The following DST variants were observed in gnomAD, a reference collection of about 807,000 sequenced individuals.
DST encodes the protein bullous pemphigoid antigen.
In DST, 253 loss-of-function variants were observed where a neutral mutation model predicts 875.2. That is an observed-to-expected ratio of 0.29 (90% confidence interval 0.26 to 0.32). The LOEUF is 0.32. Ranked by LOEUF, DST falls within the 10% of genes least tolerant of loss-of-function variation. The pLI is 1.00. For missense variants in DST, 8,287 were observed against 9,111.6 expected (o/e 0.91, Z 3.68); for synonymous variants, 3,124 against 3,197.1 (o/e 0.98, Z 0.77).
At chr6:56,580,579 TAAAA>T (rs200558536) in intron 49 of DST, among the ~76,000 whole-genome samples, 1 of 149,462 alleles carries the variant, frequency 6.7e-6, no homozygotes, top group East Asian at 1.9e-4. Flanking sequence ...AATAAATAAA[TAAAA>T]ATTTAAAAAA....
intron 71 of DST, among the ~76,000 whole-genome samples, chr6:56,516,406 T>G (rs2096596089): frequency 6.6e-6 from 1 of 152,182 alleles, no homozygotes; most frequent in South Asian, 2.1e-4. Context: ...TCAGAGTCTT[T>G]ATAAAAATAA....
chr6:56,647,728 C>A (rs2098951960), intron 13 of DST, among the ~76,000 whole-genome samples: 1 of 150,784 alleles, frequency 6.6e-6, no homozygotes. Flanking sequence ...CTCTCTCGCC[C>A]AGGATGGAGT....
chr6:56,507,581 G>A (rs1014352996), intron 75 of DST, among the ~76,000 whole-genome samples: 1 of 152,196 alleles, frequency 6.6e-6, no homozygotes, highest in African/African-American at 2.4e-5. Context: ...AACCCTGAGT[G>A]GACTTTGCCA....
rs1349827592 is a variant in DST, at chr6:56,477,434, T to C, written c.21586A>G (p.Met7196Val). The change falls in exon 91 of 104, where the codon ATG (methionine) becomes GTG (valine). Residue 7196 changes from methionine to valine, a missense_variant. Physicochemically the swap from Met to Val is conservative, Grantham distance 21. Transcript: ENST00000680361. The stretch of plus-strand genomic sequence containing the variant: ...CAGATAGCCAAAACGGTGTCGCCCA[T>C]AGTGGTGGCTTTATTTAGTTCAGCT... The part of the protein sequence containing the change: ...KRAELNKATT[M>V]GDTVLAICHP... 7 of 1,613,902 alleles carry C rather than the reference T, an allele frequency of 4.3e-6. No individual in the cohort carries two copies. In the Admixed American group the frequency reaches 6.7e-5, roughly 15 times the overall value.
intron 2 of DST, among the ~76,000 whole-genome samples, chr6:56,938,708 G>C (rs1297992595): frequency 6.6e-6 from 1 of 152,336 alleles, no homozygotes; most frequent in African/African-American, 2.4e-5. Context: ...CAGAGGCACT[G>C]TACAAGCCCA....
chr6:56,564,717 A>T (rs2097622812), intron 55 of DST, among the ~76,000 whole-genome samples: 1 of 152,182 alleles, frequency 6.6e-6, no homozygotes, highest in Non-Finnish European at 1.5e-5. Context: ...TTTGTCACAA[A>T]TAACTCTTAT....
At chr6:56,702,072 G>T in intron 7 of DST, 107 bp from the exon 8 acceptor site, 2 of 629,960 alleles carry the variant, frequency 3.2e-6, no homozygotes, top group Non-Finnish European at 5.5e-6. Context: ...AGTATTTACC[G>T]TTTAGGTAAG....
chr6:56,742,254 T>C, intron 4 of DST: 1 of 1,266,236 alleles, frequency 7.9e-7, no homozygotes, highest in Non-Finnish European at 1.0e-6. Context: ...AGTGATAGTA[T>C]ATGTGATACT....
In DST at chr6:56,607,474, C is replaced by T; in HGVS notation, c.7154G>A (p.Ser2385Asn). 1 of 1,599,244 alleles carries T rather than the reference C, an allele frequency of 6.3e-7. No homozygotes were observed. Among genetic ancestry groups the T allele is most frequent in the Non-Finnish European group, 8.5e-7 (1 of 1,171,624 alleles). Residue 2385 changes from serine to asparagine, a missense_variant, in exon 40 of 104, where the codon AGT becomes AAT. Ser to Asn is a conservative substitution (Grantham distance 46). This residue lies in a region of DST where 3,138 missense variants were observed against 3,116.6 expected (regional missense o/e 1.01). Coordinates refer to ENST00000680361, the MANE Select transcript of DST (RefSeq NM_001374736.1). The stretch of plus-strand genomic sequence containing the variant: ...AAAGTTTTGAATGTTTTTAGAATGA[C>T]TACATTCATTTGCACGTTCATTTGT... Reference protein sequence around the residue: ...VETNERANECSHSKNIQNFPS... With the variant: ...VETNERANECNHSKNIQNFPS...
At chr6:56,873,580 G>C (rs60563401) in intron 3 of DST, among the ~76,000 whole-genome samples, 32,434 of 152,118 alleles carry the variant, frequency 0.21, 4,068 homozygotes, top group African/African-American at 0.35. Flanking sequence ...AGACGGAACT[G>C]GAAGGCATTA....
rs867881427 is a variant in DST, at chr6:56,835,652, G to A, written c.625+15745C>T. On this transcript the variant is annotated intron_variant, in intron 4 of 103. Coordinates refer to ENST00000680361, the MANE Select transcript of DST (RefSeq NM_001374736.1). ...TATTCCATATGCCCTATTTTATCCC[G>A]CCTTTATTAACCCAGTGTCTATCTA... Among the ~76,000 whole-genome samples the A allele has an allele frequency of 5.9e-5, 9 of 152,086 alleles. No homozygotes were observed. The South Asian group carries it at 8.3e-4, about 14-fold the overall frequency.
chr6:56,687,938 T>C (rs1307344924), intron 9 of DST, among the ~76,000 whole-genome samples: 2 of 152,198 alleles, frequency 1.3e-5, no homozygotes, highest in Admixed American at 6.5e-5. Flanking sequence ...AAAGTCCAAG[T>C]GCTAATGCTC....
At chr6:56,730,534 T>C (rs537643767) in intron 5 of DST, among the ~76,000 whole-genome samples, 60 of 152,260 alleles carry the variant, frequency 3.9e-4, no homozygotes, top group Non-Finnish European at 6.6e-4. Context: ...CCTAGTGTCA[T>C]AGGTAGAAGA....
chr6:56,597,635 C>T lies in DST; in HGVS notation c.12195+105G>A, dbSNP rs2098404124. ...TGACATGATGAACACAGAAAAAAAC[C>T]TCTTTTGTCAGTAAGGTTTGAAAAG... On this transcript the variant is annotated intron_variant, in intron 47 of 103. Transcript: ENST00000680361. 3.6e-5 allele frequency: 43 copies of T among 1,208,062 alleles called. No homozygotes were observed. In the South Asian group the frequency reaches 8.0e-4, roughly 23 times the overall value. 74.8% of individuals were successfully genotyped at this position (1,208,062 alleles called of 1,614,324 possible).
At chr6:56,467,411 G>A (rs1170285340) in intron 98 of DST, 1 of 152,150 alleles carries the variant, frequency 6.6e-6, no homozygotes, top group Non-Finnish European at 1.5e-5. Context: ...AGGAACTCAT[G>A]TGTTTTTCCA....
chr6:56,657,489 T>C (rs1379447188), intron 10 of DST, among the ~76,000 whole-genome samples: 1 of 151,986 alleles, frequency 6.6e-6, no homozygotes, highest in Non-Finnish European at 1.5e-5. Flanking sequence ...ATCTGATCAC[T>C]TGAAAAAACA....
At position 56,618,982 on chromosome 6, in the gene DST, C is replaced by T. The variant is rs757615570; in HGVS notation, c.4930-4498G>A. 1.2e-5 allele frequency: 19 copies of T among 1,614,002 alleles called. No individual in the cohort carries two copies. In the African/African-American group the frequency reaches 2.3e-4, roughly 19 times the overall value. ...CTTTGGAAGCATTCAGTTCCGCATT[C>T]AGATTTCTAACTTCTTTCTTGGTAT... On this transcript the variant is annotated intron_variant, in intron 36 of 103. Transcript: ENST00000680361.
rs1306627437 is a variant in DST, at chr6:56,608,640, C to G, written c.5988G>C (p.Leu1996=). Residue 1996 remains leucine (L), a synonymous_variant, in exon 40 of 104, where the codon CTG becomes CTC. Transcript: ENST00000680361. Reference sequence around the variant, plus strand: ...TTCTTTGGCCAGAGTTGGAATTGATCAGACCTCCAGAAAGAAGCTGTGCAC... The same window carrying G: ...TTCTTTGGCCAGAGTTGGAATTGATGAGACCTCCAGAAAGAAGCTGTGCAC... ...LLSAQLLSGG[L]INSNSGQRMT... 4 of 1,612,934 alleles carry G rather than the reference C, an allele frequency of 2.5e-6. No homozygotes were observed. Among genetic ancestry groups the G allele is most frequent in the Non-Finnish European group, 2.5e-6 (3 of 1,179,514 alleles).
Position 56,489,552 on chromosome 6 carries a change from C to A in DST, c.20815G>T (p.Asp6939Tyr). ...TCATTTGCGATTTCCAGTTCAGAAT[C>A]CAAAGACTTTTCTGACTCTTCTAGC... is the stretch of plus-strand genomic sequence containing the variant. ...EWLEESEKSL[D>Y]SELEIANDPD... The change falls in exon 86 of 104, where the codon GAT becomes TAT. Residue 6939 changes from aspartate to tyrosine, a missense_variant. Asp to Tyr is a radical substitution (Grantham distance 160). Transcript: ENST00000680361. 1 of 1,613,154 alleles carries A rather than the reference C, an allele frequency of 6.2e-7. No individual in the cohort carries two copies. Among genetic ancestry groups the A allele is most frequent in the Non-Finnish European group, 8.5e-7 (1 of 1,179,430 alleles).
Sources: gnomAD v4.1 joint callset for allele counts (sites outside exome capture counted in the v4.1 genomes callset) on GRCh38, gnomAD v4.1.1 for gene constraint, gnomAD v4.1.1 regional missense constraint, MANE v1.5 for transcripts, NCBI Gene and HGNC (gene_info 2026-07-23, HGNC 2026-07-21) for gene names.